COL6A3: variants seen among roughly 807,000 people sequenced by gnomAD.
COL6A3 encodes the protein collagen type VI alpha 3 chain.
A neutral mutation model predicts 274.1 loss-of-function variants in COL6A3; 137 were observed. The ratio of observed to expected loss-of-function variants is 0.50; its 90% confidence interval spans 0.44 to 0.58. The LOEUF is 0.58. COL6A3 is among the 20% of genes least tolerant of loss of function. The pLI is 0.00. For synonymous variants in COL6A3, 1,650 were observed against 1,650.6 expected, an observed-to-expected ratio of 1.00 and a Z score of 0.01; for missense variants, 3,950 against 4,124.9, an observed-to-expected ratio of 0.96 and a Z score of 1.16.
At position 237,388,179 on chromosome 2, in the gene COL6A3, C is replaced by T. The variant is rs570013541; in HGVS notation, c.715G>A (p.Asp239Asn). 6.2e-7 allele frequency: 1 copy of T among 1,613,948 alleles called. No individual in the cohort carries two copies. The highest frequency in any genetic ancestry group is 1.1e-5 in the South Asian group (1 of 91,060). Residue 239 changes from aspartate to asparagine, a missense_variant, in exon 4 of 44, where the codon GAC (aspartate) becomes AAC (asparagine). This residue lies in a region of COL6A3 where 1,934 missense variants were observed against 1,984.3 expected (regional missense o/e 0.97). Coordinates refer to ENST00000295550, the MANE Select transcript of COL6A3 (RefSeq NM_004369.4). ...TETLKDITAQDSADIIFLIDG... is the reference protein window; with the variant it reads ...TETLKDITAQNSADIIFLIDG... ...ATAAGGAAAATAATGTCAGCAGAGT[C>T]TTGTGCTTTAAAAGAAAGAAATGCA...
At position 237,374,645 on chromosome 2, in the gene COL6A3, C is replaced by A; in HGVS notation, c.3446G>T (p.Arg1149Leu). 1 of 1,614,144 alleles carries A rather than the reference C, an allele frequency of 6.2e-7. No individual in the cohort carries two copies. The highest frequency in any genetic ancestry group is 8.5e-7 in the Non-Finnish European group (1 of 1,180,036). ...LTADRSGDDV[R>L]NPSVVVKRGG... ...CCTCTTCACGACCACGGAGGGGTTC[C>A]GCACATCATCCCCAGACCTGTCGGC... Residue 1149 changes from arginine (R) to leucine (L), a missense_variant, in exon 8 of 44, where the codon CGG becomes CTG. Physicochemically the swap from Arg to Leu is moderately radical, Grantham distance 102. Coordinates refer to ENST00000295550, the MANE Select transcript of COL6A3 (RefSeq NM_004369.4). This position sits in a 1 kb window ranked among gnomAD's most constrained non-coding sequence, Gnocchi z 4.8.
At chr2:237,340,316 G>T in intron 38 of COL6A3, 136 bp downstream of exon 38, 1 of 807,552 alleles carries the variant, frequency 1.2e-6, no homozygotes, top group Non-Finnish European at 2.0e-6. Context: ...TATGGCAGGT[G>T]TCAATATATG....
intron 26 of COL6A3, 98 bp downstream of exon 26, chr2:237,352,424 T>A (rs1363709059): frequency 8.4e-7 from 1 of 1,197,460 alleles, no homozygotes; most frequent in East Asian, 2.5e-5. Flanking sequence ...TAAAGGGAGG[T>A]CTGTCTACAA....
intron 32 of COL6A3, among the ~76,000 whole-genome samples, 181 bp downstream of exon 32, chr2:237,346,322 G>A (rs1343547198): frequency 6.6e-6 from 1 of 152,134 alleles, no homozygotes; most frequent in Admixed American, 6.5e-5. Context: ...AAAGTTTCTT[G>A]TTACTCTAAA....
chr2:237,361,057 A>C lies in COL6A3; in HGVS notation c.6210+64T>G. ...GAACAAATGATGAAATCCACAATGCAATCCCAATGGGTAAGGATCAAGGAG... is the reference window on the plus strand; with the variant it reads ...GAACAAATGATGAAATCCACAATGCCATCCCAATGGGTAAGGATCAAGGAG... On this transcript the variant is annotated intron_variant, in intron 16 of 43. Transcript: ENST00000295550. This position sits in a 1 kb window ranked among gnomAD's most constrained non-coding sequence, Gnocchi z 5.1. The C allele has an allele frequency of 7.7e-7, 1 of 1,306,944 alleles. No homozygotes were observed. The highest frequency in any genetic ancestry group is 1.1e-6 in the Non-Finnish European group (1 of 899,884). The allele number at this position is 1,306,944 out of a possible 1,614,324, so 81.0% of individuals were successfully genotyped here.
At chr2:237,351,301 T>C in intron 26 of COL6A3, 109 bp from the exon 27 acceptor site, 1 of 1,018,324 alleles carries the variant, frequency 9.8e-7, no homozygotes, top group Admixed American at 1.8e-5. Flanking sequence ...GCCAGGGGCA[T>C]GGAACCTGTC....
intron 1 of COL6A3, among the ~76,000 whole-genome samples, chr2:237,405,012 T>A (rs1481462618): frequency 2.6e-5 from 4 of 151,990 alleles, no homozygotes; most frequent in Non-Finnish European, 5.9e-5. Flanking sequence ...AAATACACTG[T>A]GCACAGGAAT....
rs1301384877 is a variant in COL6A3 at position 237,361,916 on chromosome 2, G to T, written c.6064-85C>A. The T allele has an allele frequency of 8.6e-7, 1 of 1,157,206 alleles. No homozygotes were observed. Among genetic ancestry groups the T allele is most frequent in the East Asian group, 2.4e-5 (1 of 42,358 alleles). 71.7% of individuals were successfully genotyped at this position (1,157,206 alleles called of 1,614,324 possible). On this transcript the variant is annotated intron_variant, in intron 14 of 43. Coordinates refer to ENST00000295550, the MANE Select transcript of COL6A3 (RefSeq NM_004369.4). This position sits in a 1 kb window ranked among gnomAD's most constrained non-coding sequence, Gnocchi z 5.1. Reference sequence around the variant, plus strand: ...TAAATGCGCTTTAAGGGTCAAAATCGGATGTGTGGGGGTTTCACGGTGTGA... The same window carrying T: ...TAAATGCGCTTTAAGGGTCAAAATCTGATGTGTGGGGGTTTCACGGTGTGA...
In COL6A3 at chr2:237,350,140, A is replaced by C; in HGVS notation, c.6879+7T>G. ...ACAGCCTGACCCCAAGCGCGCTGTG[A>C]CCTTACCGTCTCCCCACGAGGGCCC... On this transcript the variant is annotated splice_region_variant and intron_variant, in intron 28 of 43. Transcript: ENST00000295550. The C allele has an allele frequency of 6.2e-7, 1 of 1,613,912 alleles. No individual in the cohort carries two copies. Among genetic ancestry groups the C allele is most frequent in the Non-Finnish European group, 8.5e-7 (1 of 1,179,934 alleles).
At chr2:237,405,968 TAAAGGAA>T (rs2078709001) in intron 1 of COL6A3, among the ~76,000 whole-genome samples, 1 of 152,106 alleles carries the variant, frequency 6.6e-6, no homozygotes, top group African/African-American at 2.4e-5. Context: ...TTCTGTGTCC[TAAAGGAA>T]ACAGATTCAA....
Position 237,367,083 on chromosome 2 carries a change from T to G in COL6A3, c.5104A>C (p.Ile1702Leu). 6.2e-7 allele frequency: 1 copy of G among 1,614,226 alleles called. No individual in the cohort carries two copies. Among genetic ancestry groups the G allele is most frequent in the Non-Finnish European group, 8.5e-7 (1 of 1,180,032 alleles). The change falls in exon 11 of 44, where the codon ATT (isoleucine) becomes CTT (leucine). Residue 1702 changes from isoleucine (I) to leucine (L), a missense_variant. Ile to Leu is a conservative substitution (Grantham distance 5). Around this residue, in one of 5 missense-constraint regions of COL6A3, gnomAD observed 632 missense variants for 623.4 expected, o/e 1.01. Transcript: ENST00000295550. ...ACCACTTTGTTGATGGCGTCAATAA[T>G]CTGCCTCTTGGTAGAGAAGTCCTTC... ...FLKDFSTKRQ[I>L]IDAINKVVYK...
At chr2:237,357,997 A>C in intron 21 of COL6A3, 115 bp from the exon 22 acceptor site, 1 of 977,826 alleles carries the variant, frequency 1.0e-6, no homozygotes, top group Non-Finnish European at 1.7e-6. Context: ...TTCGAGGGAC[A>C]AGCCCTTCGG....
chr2:237,358,080 C>G (rs1243335344), intron 21 of COL6A3, among the ~76,000 whole-genome samples, 198 bp from the exon 22 acceptor site: 1 of 152,242 alleles, frequency 6.6e-6, no homozygotes, highest in Non-Finnish European at 1.5e-5. Flanking sequence ...GCACTCTTAG[C>G]CCCAAACAGG....
At position 237,374,839 on chromosome 2, in the gene COL6A3, T is replaced by C; in HGVS notation, c.3252A>G (p.Ser1084=). Residue 1084 remains serine (S), a synonymous_variant, in exon 8 of 44, where the codon TCA becomes TCG. Coordinates refer to ENST00000295550, the MANE Select transcript of COL6A3 (RefSeq NM_004369.4). This position sits in a 1 kb window ranked among gnomAD's most constrained non-coding sequence, Gnocchi z 4.8. Reference sequence around the variant, plus strand: ...TGACGACGTCCTGCTTGTTCATGTATGAATTCAGGTAGAACTCGGGCCTGG... The same window carrying C: ...TGACGACGTCCTGCTTGTTCATGTACGAATTCAGGTAGAACTCGGGCCTGG... The part of the protein sequence containing the change: ...DRTRPEFYLN[S]YMNKQDVVNA... 5 of 1,614,044 alleles carry C rather than the reference T, an allele frequency of 3.1e-6. No individual in the cohort carries two copies. Among genetic ancestry groups the C allele is most frequent in the Non-Finnish European group, 4.2e-6 (5 of 1,180,020 alleles).
intron 3 of COL6A3, 35 bp from the exon 4 acceptor site, chr2:237,388,219 A>AT: frequency 6.2e-7 from 1 of 1,613,180 alleles, no homozygotes; most frequent in Non-Finnish European, 8.5e-7. Flanking sequence ...ATGTGAAAGC[A>AT]TTAGAACAAG....
At chr2:237,392,017 C>A (rs2078301633) in intron 3 of COL6A3, among the ~76,000 whole-genome samples, 1 of 152,016 alleles carries the variant, frequency 6.6e-6, no homozygotes, top group Admixed American at 6.6e-5. Context: ...AGGACTGATG[C>A]CTGTGTGGTA....
At chr2:237,390,008 A>G in intron 3 of COL6A3, among the ~76,000 whole-genome samples, 1 of 152,322 alleles carries the variant, frequency 6.6e-6, no homozygotes, top group East Asian at 1.9e-4. Context: ...AATGGCCTAC[A>G]TCATTGCATA....
rs754582446 is a variant in COL6A3 at position 237,344,260 on chromosome 2, T to C, written c.7668+90A>G. 6.3e-6 allele frequency: 10 copies of C among 1,597,458 alleles called. No homozygotes were observed. In the East Asian group the frequency reaches 6.7e-5, roughly 11 times the overall value. ...GGGACGTTTTAGGAGCTATGGGACA[T>C]GAAGCCACAAAGGAGCATGGACGTG... On this transcript the variant is annotated intron_variant, in intron 36 of 43. Transcript: ENST00000295550. The surrounding 1 kb of genome is among the most constrained non-coding windows in gnomAD (Gnocchi z 4.8).
At chr2:237,405,580 C>G (rs567489619) in intron 1 of COL6A3, among the ~76,000 whole-genome samples, 33 of 152,164 alleles carry the variant, frequency 2.2e-4, no homozygotes, top group African/African-American at 7.2e-4. Flanking sequence ...ATTTCACGCC[C>G]TCCTCCCAAC....
Sources: gnomAD v4.1 joint callset for allele counts (sites outside exome capture counted in the v4.1 genomes callset) on GRCh38, gnomAD v4.1.1 for gene constraint, gnomAD v4.1.1 regional missense constraint, Gnocchi (gnomAD v3.1) non-coding constraint, MANE v1.5 for transcripts, NCBI Gene and HGNC (gene_info 2026-07-23, HGNC 2026-07-21) for gene names.